PIK3C2G: variants seen among roughly 807,000 people sequenced by gnomAD.
PIK3C2G encodes the protein phosphatidylinositol 3-kinase C2 domain-containing subunit gamma.
A neutral mutation model predicts 181.1 loss-of-function variants in PIK3C2G; 168 were observed. The observed-to-expected ratio is 0.93, with a 90% CI of 0.82 to 1.05. The LOEUF (loss-of-function observed/expected upper bound fraction) is 1.05. PIK3C2G is among the 50% of genes least tolerant of loss of function. PIK3C2G has a pLI of 0.00. For synonymous variants in PIK3C2G, 573 were observed against 592.2 expected (o/e 0.97, Z 0.47); for missense variants, 1,869 against 1,732.8 (o/e 1.08, Z -1.40).
intron 31 of PIK3C2G, among the ~76,000 whole-genome samples, chr12:18,611,253 A>T (rs1053561752): frequency 6.6e-6 from 1 of 152,000 alleles, no homozygotes; most frequent in Non-Finnish European, 1.5e-5. Context: ...TGACCAAATG[A>T]CCCTAAAAAA....
the PIK3C2G span, chr12:18,683,703 C>G: frequency 9.2e-7 from 1 of 1,092,694 alleles, no homozygotes; most frequent in Non-Finnish European, 1.2e-6. Flanking sequence ...AAAGGTGACT[C>G]TGCAACATAA....
chr12:18,253,029 A>G (rs10840998), intron 1 of PIK3C2G, among the ~76,000 whole-genome samples: 75,983 of 151,960 alleles, frequency 0.5, 19,496 homozygotes, highest in East Asian at 0.75. Flanking sequence ...CTGACAAGAT[A>G]AGACAGGTCT....
At chr12:18,390,081 G>C (rs1236613198) in intron 14 of PIK3C2G, among the ~76,000 whole-genome samples, 1 of 152,180 alleles carries the variant, frequency 6.6e-6, no homozygotes, top group East Asian at 1.9e-4. Context: ...AGCTGATCTC[G>C]TACTTGTTTA....
intron 24 of PIK3C2G, among the ~76,000 whole-genome samples, chr12:18,506,469 A>T (rs1023474853): frequency 1.3e-5 from 2 of 152,194 alleles, no homozygotes; most frequent in African/African-American, 4.8e-5. Flanking sequence ...TAAAGGTAGA[A>T]GTAGTAAAAA....
chr12:18,437,072 C>T (rs1018551393), intron 18 of PIK3C2G, among the ~76,000 whole-genome samples: 4 of 151,828 alleles, frequency 2.6e-5, no homozygotes, highest in African/African-American at 9.7e-5. Flanking sequence ...TCTCTATTCT[C>T]CACTTCTATT....
intron 18 of PIK3C2G, among the ~76,000 whole-genome samples, chr12:18,455,340 G>A (rs1947568655): frequency 6.6e-6 from 1 of 151,956 alleles, no homozygotes; most frequent in Non-Finnish European, 1.5e-5. Context: ...ATGCCAGGAG[G>A]TTGGGAAGGG....
At chr12:18,615,236 G>C (rs1183382540) in intron 31 of PIK3C2G, among the ~76,000 whole-genome samples, 1 of 151,678 alleles carries the variant, frequency 6.6e-6, no homozygotes, top group African/African-American at 2.4e-5. Context: ...TCCCATTCCT[G>C]AGTTGCTTCA....
intron 11 of PIK3C2G, among the ~76,000 whole-genome samples, chr12:18,351,609 C>T (rs535305818): frequency 6.6e-6 from 1 of 152,282 alleles, no homozygotes. Context: ...TTACAGTTGT[C>T]CCTTGTTATC....
intron 31 of PIK3C2G, among the ~76,000 whole-genome samples, chr12:18,630,300 G>A (rs933790320): frequency 6.6e-6 from 1 of 152,082 alleles, no homozygotes; most frequent in Admixed American, 6.5e-5. Context: ...GCTGAGGCAG[G>A]AGAATCACTC....
intron 30 of PIK3C2G, among the ~76,000 whole-genome samples, chr12:18,608,160 G>T (rs1006026503): frequency 3.7e-4 from 57 of 152,180 alleles, no homozygotes; most frequent in African/African-American, 1.2e-3. Context: ...GATTCCTCAA[G>T]GATCTAGAAC....
rs560667920 is a variant in PIK3C2G at position 18,384,408 on chromosome 12, G to A, written c.1995+2528G>A. On this transcript the variant is annotated intron_variant, in intron 14 of 32. Transcript: ENST00000538779. ...CCTTGCATTTTATATAGGCCTGTGGGGTGTGTAAGTGTAGATATAAGTGAT... is the reference window on the plus strand; with the variant it reads ...CCTTGCATTTTATATAGGCCTGTGGAGTGTGTAAGTGTAGATATAAGTGAT... Among the ~76,000 whole-genome samples, 3 of 152,150 alleles carry A rather than the reference G, an allele frequency of 2.0e-5. No homozygotes were observed. In the South Asian group the frequency reaches 6.2e-4, roughly 32 times the overall value.
At chr12:18,312,322 G>A (rs80349313) in intron 5 of PIK3C2G, among the ~76,000 whole-genome samples, 70 of 152,296 alleles carry the variant, frequency 4.6e-4, no homozygotes, top group Non-Finnish European at 8.8e-4. Context: ...AAGTAAGCAC[G>A]CAGTAGCCAT....
rs77512851 is a variant in PIK3C2G at position 18,250,069 on chromosome 12, A to G, written c.-79+1987A>G. ...ACTCAATGTAACCAGAATTAGTCAG[A>G]AAAATCTGATTTTCTCCTGTCTCAA... On this transcript the variant is annotated intron_variant, in intron 1 of 11. Transcript: ENST00000535651. Among the ~76,000 whole-genome samples the G allele has an allele frequency of 2.6e-3, 389 of 152,230 alleles. 2 individuals carry two copies. The highest frequency in any genetic ancestry group is 4.7e-3 in the Admixed American group (72 of 15,294).
At chr12:18,334,092 T>A (rs993796749) in intron 8 of PIK3C2G, among the ~76,000 whole-genome samples, 2 of 152,178 alleles carry the variant, frequency 1.3e-5, no homozygotes, top group African/African-American at 4.8e-5. Context: ...TAGAATATAC[T>A]ACATAAAATA....
chr12:18,339,314 A>G (rs1938889744), intron 9 of PIK3C2G, among the ~76,000 whole-genome samples: 1 of 152,202 alleles, frequency 6.6e-6, no homozygotes, highest in South Asian at 2.1e-4. Flanking sequence ...AGTTTGACAT[A>G]TGCATTACCT....
chr12:18,569,462 C>T (rs1945814274), intron 29 of PIK3C2G, among the ~76,000 whole-genome samples: 1 of 152,066 alleles, frequency 6.6e-6, no homozygotes, highest in Non-Finnish European at 1.5e-5. Context: ...TTCCAAGGTT[C>T]ATGGATTTTT....
At chr12:18,667,192 G>C in the PIK3C2G span, among the ~76,000 whole-genome samples, 1 of 152,132 alleles carries the variant, frequency 6.6e-6, no homozygotes, top group Non-Finnish European at 1.5e-5. Flanking sequence ...AAACTTGTAA[G>C]CTTTGAATGA....
At chr12:18,594,794 G>T (rs527486924) in intron 30 of PIK3C2G, among the ~76,000 whole-genome samples, 1 of 152,062 alleles carries the variant, frequency 6.6e-6, no homozygotes, top group Admixed American at 6.6e-5. Flanking sequence ...TTTGATGAAA[G>T]GTTGACTCTA....
chr12:18,661,821 G>A, the PIK3C2G span, among the ~76,000 whole-genome samples: 267 of 151,996 alleles, frequency 1.8e-3, 1 homozygote, highest in African/African-American at 5.9e-3. Flanking sequence ...TTGTTCTACC[G>A]TTGTAGAAAT....
Sources: allele counts gnomAD v4.1 joint callset (sites outside exome capture counted in the v4.1 genomes callset), GRCh38; gene constraint gnomAD v4.1.1; transcripts MANE v1.5; gene names NCBI Gene and HGNC (gene_info 2026-07-23, HGNC 2026-07-21).